Variants in INTU observed in about 807,000 individuals in gnomAD.
INTU encodes the protein inturned planar cell polarity protein, also known as protein inturned.
A neutral mutation model predicts 100.5 loss-of-function variants in INTU; 68 were observed. The ratio of observed to expected loss-of-function variants is 0.68; its 90% confidence interval spans 0.56 to 0.83. The LOEUF (loss-of-function observed/expected upper bound fraction) is 0.83, where lower values mean the gene tolerates loss of function less well. Among genes scored for constraint, INTU ranks in the 40% least tolerant of loss-of-function variants. The pLI is 0.00. For synonymous variants in INTU, 357 were observed against 395.7 expected, an observed-to-expected ratio of 0.90 and a Z score of 1.16; for missense variants, 1,071 against 1,114.7, an observed-to-expected ratio of 0.96 and a Z score of 0.56.
In INTU at chr4:127,656,733, C is replaced by G. The variant is rs373962158; in HGVS notation, c.768+12C>G. 22 of 1,515,944 alleles carry G rather than the reference C, an allele frequency of 1.5e-5. No individual in the cohort carries two copies. The highest frequency in any genetic ancestry group is 1.7e-5 in the Non-Finnish European group (19 of 1,101,248). The allele number at this position is 1,515,944 out of a possible 1,614,324, so 93.9% of individuals were successfully genotyped here. Reference sequence around the variant, plus strand: ...CTGGACCTATGCAGGTATGGACATTCTTTTTCTATATTTTATGATGTTACA... The same window carrying G: ...CTGGACCTATGCAGGTATGGACATTGTTTTTCTATATTTTATGATGTTACA... On this transcript the variant is annotated intron_variant, in intron 3 of 15. Coordinates refer to ENST00000335251, the MANE Select transcript of INTU (RefSeq NM_015693.4).
At chr4:127,668,888 A>G (rs1728806110) in intron 4 of INTU, 148 bp from the exon 5 acceptor site, 1 of 488,450 alleles carries the variant, frequency 2.0e-6, no homozygotes, top group African/African-American at 2.0e-5. Context: ...AATTCCAAGC[A>G]TAGTTCTCCC....
chr4:127,654,182 C>T (rs1228866917), intron 2 of INTU, among the ~76,000 whole-genome samples: 5 of 151,384 alleles, frequency 3.3e-5, no homozygotes, highest in Non-Finnish European at 7.4e-5. Context: ...ATCCAATTTG[C>T]CAGTCTGTGT....
intron 8 of INTU, among the ~76,000 whole-genome samples, chr4:127,694,225 C>T (rs1730282089): frequency 6.6e-6 from 1 of 151,392 alleles, no homozygotes. Context: ...GGCAGTTTTT[C>T]CATAACCATT....
At chr4:127,694,412 A>G (rs1179523330) in intron 8 of INTU, among the ~76,000 whole-genome samples, 2 of 151,984 alleles carry the variant, frequency 1.3e-5, no homozygotes, top group Admixed American at 6.6e-5. Context: ...TATCAGTTGT[A>G]ATATCTCCCA....
intron 6 of INTU, among the ~76,000 whole-genome samples, chr4:127,674,876 G>T (rs1209089169): frequency 6.6e-6 from 1 of 152,156 alleles, no homozygotes; most frequent in African/African-American, 2.4e-5. Flanking sequence ...TTTTCCATGT[G>T]AGGAAAGTAA....
At chr4:127,654,674 C>G (rs1164469765) in intron 2 of INTU, among the ~76,000 whole-genome samples, 2 of 148,742 alleles carry the variant, frequency 1.3e-5, no homozygotes, top group African/African-American at 2.5e-5. Context: ...TTCATTTCAA[C>G]TTTGGTGAAT....
Position 127,673,176 on chromosome 4 carries a change from CT to C in INTU, c.1092-940del, listed in dbSNP as rs112570618. Among the ~76,000 whole-genome samples, 118 of 151,784 alleles carry C rather than the reference CT, an allele frequency of 7.8e-4. 1 individual carries two copies. The highest frequency in any genetic ancestry group is 2.7e-3 in the African/African-American group (111 of 41,426). ...GTTAAATTAACCAACTGAGATGAAG[CT>C]TTTTTTTGTTTTGTTTTTGAGACAG... On this transcript the variant is annotated intron_variant, in intron 5 of 15. Coordinates refer to ENST00000335251, the MANE Select transcript of INTU (RefSeq NM_015693.4).
intron 15 of INTU, among the ~76,000 whole-genome samples, chr4:127,714,740 A>G (rs1731207315): frequency 6.6e-6 from 1 of 151,584 alleles, no homozygotes; most frequent in Admixed American, 6.6e-5. Context: ...TCCACCCCCC[A>G]CCCTCATTAC....
In INTU at chr4:127,704,233, G is replaced by A. The variant is rs1288826339; in HGVS notation, c.1509G>A (p.Glu503=). The A allele has an allele frequency of 1.9e-6, 3 of 1,607,116 alleles. No homozygotes were observed. Among genetic ancestry groups the A allele is most frequent in the Admixed American group, 3.3e-5 (2 of 59,716 alleles). The change falls in exon 10 of 16, where the codon GAG becomes GAA. Residue 503 remains glutamate, a synonymous_variant. Transcript: ENST00000335251. ...ACTATGAATTTTTCCCCCAGTCCGAGGATTACTATGACATGAGGCGGCTGT... is the reference window on the plus strand; with the variant it reads ...ACTATGAATTTTTCCCCCAGTCCGAAGATTACTATGACATGAGGCGGCTGT... ...LEAADFAELS[E]DYYDMRRLYT... is the part of the protein sequence containing the mutation.
At chr4:127,692,184 A>C (rs561347225) in intron 8 of INTU, among the ~76,000 whole-genome samples, 1 of 151,946 alleles carries the variant, frequency 6.6e-6, no homozygotes, top group East Asian at 1.9e-4. Context: ...AATGTTTTCC[A>C]TAGTGGTTGT....
intron 6 of INTU, among the ~76,000 whole-genome samples, chr4:127,678,520 G>C (rs1417107834): frequency 6.6e-6 from 1 of 152,082 alleles, no homozygotes; most frequent in African/African-American, 2.4e-5. Flanking sequence ...AAGTGAAGGA[G>C]AAATAAAATA....
chr4:127,697,742 TGAG>T (rs1271149468), intron 8 of INTU, among the ~76,000 whole-genome samples: 1 of 152,226 alleles, frequency 6.6e-6, no homozygotes, highest in Non-Finnish European at 1.5e-5. Context: ...CCATTTCTCT[TGAG>T]ATTTCTCATT....
chr4:127,714,221 C>A, intron 15 of INTU, 128 bp downstream of exon 15: 1 of 577,994 alleles, frequency 1.7e-6, no homozygotes, highest in African/African-American at 1.9e-5. Flanking sequence ...TAATATATTT[C>A]ATTTTATTTG....
Position 127,706,928 on chromosome 4 carries a change from C to G in INTU, c.2230C>G (p.Gln744Glu). The change falls in exon 12 of 16, where the codon CAG becomes GAG. Residue 744 changes from glutamine (Q) to glutamate (E), a missense_variant. Gln to Glu is a conservative substitution (Grantham distance 29). Transcript: ENST00000335251. ...PDAVRKQRES[Q>E]GSDGLEESGT... is the part of the protein sequence containing the mutation. ...TGCAGTACGGAAGCAAAGAGAATCT[C>G]AGGGCTCTGATGGTTTAGAAGAAAG... 6.2e-7 allele frequency: 1 copy of G among 1,613,980 alleles called. No homozygotes were observed. Among genetic ancestry groups the G allele is most frequent in the Non-Finnish European group, 8.5e-7 (1 of 1,179,914 alleles).
chr4:127,695,089 C>A (rs1156695149), intron 8 of INTU, among the ~76,000 whole-genome samples: 1 of 152,138 alleles, frequency 6.6e-6, no homozygotes, highest in Non-Finnish European at 1.5e-5. Flanking sequence ...GACATCTTGA[C>A]AATATTGAGT....
At chr4:127,703,339 T>C (rs992663303) in intron 9 of INTU, among the ~76,000 whole-genome samples, 4 of 152,108 alleles carry the variant, frequency 2.6e-5, no homozygotes, top group African/African-American at 9.7e-5. Context: ...GTGTACGGGG[T>C]GAAGCTCCAA....
chr4:127,709,432 C>T (rs903591599), intron 13 of INTU, among the ~76,000 whole-genome samples: 12 of 152,122 alleles, frequency 7.9e-5, no homozygotes, highest in African/African-American at 2.9e-4. Flanking sequence ...TCCCATAACA[C>T]TCTCTTTAGA....
intron 2 of INTU, among the ~76,000 whole-genome samples, chr4:127,647,305 A>G (rs1727633881): frequency 6.6e-6 from 1 of 152,216 alleles, no homozygotes; most frequent in African/African-American, 2.4e-5. Flanking sequence ...TATGAAAATC[A>G]AGGTGTCCAC....
In INTU at chr4:127,688,714, TC is replaced by T. The variant is rs373763620; in HGVS notation, c.1449+850del. On this transcript the variant is annotated intron_variant, in intron 8 of 15. Transcript: ENST00000335251. The stretch of plus-strand genomic sequence containing the variant: ...ATCTGTAAAATGGAGGAAATAATAG[TC>T]CCTACTTCATGGAAGATTTATGAGT... 3.1e-4 allele frequency among the ~76,000 whole-genome samples: 47 copies of T among 152,310 alleles called. 1 individual carries two copies. In the South Asian group the frequency reaches 4.1e-3, roughly 13 times the overall value.
Sources: allele counts gnomAD v4.1 joint callset (sites outside exome capture counted in the v4.1 genomes callset), GRCh38; gene constraint gnomAD v4.1.1; transcripts MANE v1.5; gene names NCBI Gene and HGNC (gene_info 2026-07-23, HGNC 2026-07-21).